RPS18: variants seen among roughly 807,000 people sequenced by gnomAD.
The protein encoded by RPS18 is ribosomal protein S18.
For synonymous variants in RPS18, 64 were observed against 70.9 expected (o/e 0.90, Z 0.49); for missense variants, 49 against 200.8 (o/e 0.24, Z 4.57).
At chr6:33,273,043 C>T (rs576026949) in intron 2 of RPS18, among the ~76,000 whole-genome samples, 3 of 152,334 alleles carry the variant, frequency 2.0e-5, no homozygotes, top group East Asian at 3.9e-4. Flanking sequence ...CTTCTAGATT[C>T]GGTTTCTTTA....
At chr6:33,275,660 G>C in intron 2 of RPS18, 137 bp from the exon 3 acceptor site, 2 of 721,466 alleles carry the variant, frequency 2.8e-6, no homozygotes, top group Non-Finnish European at 5.1e-6. Context: ...CTGGAAAGGT[G>C]GGTGAGGAAA....
chr6:33,274,890 T>G (rs1765522819), intron 2 of RPS18, among the ~76,000 whole-genome samples: 1 of 152,220 alleles, frequency 6.6e-6, no homozygotes, highest in Non-Finnish European at 1.5e-5. Context: ...TCCAAATCAC[T>G]TTGGTTCATG....
At chr6:33,273,301 A>G (rs1449572798) in intron 2 of RPS18, among the ~76,000 whole-genome samples, 1 of 152,232 alleles carries the variant, frequency 6.6e-6, no homozygotes, top group Non-Finnish European at 1.5e-5. Context: ...AATCGAATCA[A>G]TGAATGCAAG....
intron 1 of RPS18, 175 bp from the exon 2 acceptor site, chr6:33,272,453 C>T (rs1765272514): frequency 4.6e-6 from 3 of 646,316 alleles, no homozygotes; most frequent in Admixed American, 5.1e-5. Flanking sequence ...CATGTGCCTA[C>T]TCTGCAGGAC....
chr6:33,272,077 C>G lies in RPS18; in HGVS notation c.-43C>G, dbSNP rs538097916. 13 of 1,560,486 alleles carry G rather than the reference C, an allele frequency of 8.3e-6. No homozygotes were observed. The highest frequency in any genetic ancestry group is 4.7e-5 in the South Asian group (4 of 84,796). ...AATGATATCGCGTCACTTCCGCTCTCTCTTCCACAGGAGGCCTACACGCCG... is the reference window on the plus strand; with the variant it reads ...AATGATATCGCGTCACTTCCGCTCTGTCTTCCACAGGAGGCCTACACGCCG... On this transcript the variant is annotated 5_prime_UTR_variant, in exon 1 of 6. Transcript: ENST00000439602.
chr6:33,272,251 C>A (rs1225362697), intron 1 of RPS18, 129 bp downstream of exon 1: 2 of 1,061,490 alleles, frequency 1.9e-6, no homozygotes, highest in East Asian at 5.2e-5. Flanking sequence ...GGATCGCGTC[C>A]CTGGAAAGGG....
chr6:33,274,620 C>A (rs557849589), intron 2 of RPS18, among the ~76,000 whole-genome samples: 1 of 152,326 alleles, frequency 6.6e-6, no homozygotes, highest in South Asian at 2.1e-4. Context: ...TTGCCTCTTC[C>A]TGTCTTCTGG....
intron 2 of RPS18, among the ~76,000 whole-genome samples, chr6:33,274,356 C>A (rs369688187): frequency 9.8e-5 from 15 of 152,318 alleles, no homozygotes; most frequent in Middle Eastern, 3.4e-3. Flanking sequence ...ACCACCACAT[C>A]TGGCTAATCT....
At position 33,276,375 on chromosome 6, in the gene RPS18, C is replaced by A; in HGVS notation, c.384-16C>A. 1 of 1,613,794 alleles carries A rather than the reference C, an allele frequency of 6.2e-7. No individual in the cohort carries two copies. Among genetic ancestry groups the A allele is most frequent in the African/African-American group, 1.3e-5 (1 of 75,036 alleles). On this transcript the variant is annotated splice_polypyrimidine_tract_variant and intron_variant, in intron 5 of 5. Transcript: ENST00000439602. ...CTGCTGTGCATGACCTGTGACTCTT[C>A]TCTTTTTACCTGCAGCCTTCGTGTC...
At chr6:33,273,162 AGT>A (rs1163377433) in intron 2 of RPS18, among the ~76,000 whole-genome samples, 1 of 152,222 alleles carries the variant, frequency 6.6e-6, no homozygotes, top group East Asian at 1.9e-4. Context: ...ACAGATAAAA[AGT>A]GTGAAGAAGC....
intron 2 of RPS18, among the ~76,000 whole-genome samples, chr6:33,273,715 G>C (rs772452808): frequency 6.6e-6 from 1 of 152,156 alleles, no homozygotes; most frequent in African/African-American, 2.4e-5. Flanking sequence ...CTAAAAATTA[G>C]AAATCTTATT....
intron 2 of RPS18, among the ~76,000 whole-genome samples, chr6:33,274,536 A>G (rs1318022248): frequency 6.6e-6 from 1 of 152,214 alleles, no homozygotes; most frequent in African/African-American, 2.4e-5. Flanking sequence ...AGTTTCCTGG[A>G]GCCTACTGTA....
intron 1 of RPS18, 84 bp downstream of exon 1, chr6:33,272,206 G>T: frequency 6.3e-6 from 9 of 1,436,336 alleles, no homozygotes; most frequent in Non-Finnish European, 5.7e-6. Context: ...GAAACGTCCT[G>T]CCCTGAGGGC....
rs1193570183 is a variant in RPS18, at chr6:33,272,336, G to T, written c.3+214G>T. ...CTCGGGCGCACGAAAGCTGTCTAAG[G>T]CTTGGGCGTATATGGGGAACTCTGG... On this transcript the variant is annotated intron_variant, in intron 1 of 5. Coordinates refer to ENST00000439602, the MANE Select transcript of RPS18 (RefSeq NM_022551.3). The T allele has an allele frequency of 5.7e-5, 36 of 628,754 alleles. No individual in the cohort carries two copies. The Middle Eastern group carries it at 5.4e-3, about 94-fold the overall frequency. The allele number at this position is 628,754 out of a possible 1,614,324, so 38.9% of individuals were successfully genotyped here. A position where few individuals can be genotyped will look rare whatever the true frequency, so the allele number is the denominator to read the frequency against.
chr6:33,273,583 C>T (rs1331927898), intron 2 of RPS18, among the ~76,000 whole-genome samples: 2 of 152,098 alleles, frequency 1.3e-5, no homozygotes. Flanking sequence ...CTGTTGGGTG[C>T]TCTGTGAAAC....
rs2150881516 is a variant in RPS18 at position 33,275,623 on chromosome 6, G to A, written c.103-174G>A. On this transcript the variant is annotated intron_variant, in intron 2 of 5. Transcript: ENST00000439602. ...CGTGAGCCACTGCGACCGGCCCAAA[G>A]TTAACCTTCTGTCGAACGGTTTATA... 4 of 657,588 alleles carry A rather than the reference G, an allele frequency of 6.1e-6. No homozygotes were observed. The East Asian group carries it at 1.0e-4, about 17-fold the overall frequency. 40.7% of individuals were successfully genotyped at this position (657,588 alleles called of 1,614,324 possible).
intron 2 of RPS18, chr6:33,275,441 A>C (rs1765564091): frequency 3.7e-6 from 1 of 269,506 alleles, no homozygotes; most frequent in Admixed American, 5.0e-5. Context: ...GCAGCCTCCC[A>C]AGTAGCTGGG....
chr6:33,276,319 C>T, intron 5 of RPS18, 52 bp downstream of exon 5: 1 of 1,603,648 alleles, frequency 6.2e-7, no homozygotes, highest in South Asian at 1.1e-5. Flanking sequence ...ATTCCTCCTA[C>T]TCGCTCTTCT....
At chr6:33,272,555 T>C (rs1223605652) in intron 1 of RPS18, 73 bp from the exon 2 acceptor site, 1 of 790,932 alleles carries the variant, frequency 1.3e-6, no homozygotes, top group Non-Finnish European at 2.3e-6. Context: ...TGTATGAAGT[T>C]CGTTTGCCTT....
Sources: gnomAD v4.1 joint callset for allele counts (sites outside exome capture counted in the v4.1 genomes callset) on GRCh38, gnomAD v4.1.1 for gene constraint, MANE v1.5 for transcripts, NCBI Gene and HGNC (gene_info 2026-07-23, HGNC 2026-07-21) for gene names.